TMEM132B: variants seen among roughly 807,000 people sequenced by gnomAD.
The protein encoded by TMEM132B is transmembrane protein 132B.
TMEM132B carries 18 observed loss-of-function variants against 90.8 expected under a neutral mutation model. The ratio of observed to expected loss-of-function variants is 0.20; its 90% CI spans 0.14 to 0.29. The LOEUF is 0.29. TMEM132B is among the 10% of genes least tolerant of loss of function. TMEM132B has a pLI of 1.00. For missense variants in TMEM132B, 1,096 were observed against 1,326.8 expected, an observed-to-expected ratio of 0.83 and a Z score of 2.70; for synonymous variants, 504 against 523.3, an observed-to-expected ratio of 0.96 and a Z score of 0.50.
intron 3 of TMEM132B, among the ~76,000 whole-genome samples, chr12:125,497,368 G>T (rs1592956436): frequency 6.6e-6 from 1 of 152,212 alleles, no homozygotes; most frequent in Non-Finnish European, 1.5e-5. Flanking sequence ...GGGGTTGGCA[G>T]TTTGAGGAAT....
intron 1 of TMEM132B, among the ~76,000 whole-genome samples, chr12:125,216,177 G>A (rs932851931): frequency 1.3e-5 from 2 of 152,186 alleles, no homozygotes; most frequent in South Asian, 2.1e-4. Flanking sequence ...TCTGGAGGCT[G>A]GAAGTTCAAG....
chr12:125,460,521 A>C lies in TMEM132B; in HGVS notation c.1106+44844A>C, dbSNP rs955734810. ...AAATAAAAAGTAAAAAATAAAAAAAAATCTACCAAGAATACATCTTAATTT... is the reference window on the plus strand; with the variant it reads ...AAATAAAAAGTAAAAAATAAAAAAACATCTACCAAGAATACATCTTAATTT... On this transcript the variant is annotated intron_variant, in intron 3 of 8. Transcript: ENST00000682704. The surrounding 1 kb of genome is among the most constrained non-coding windows in gnomAD (Gnocchi z 4.4). Among the ~76,000 whole-genome samples the C allele has an allele frequency of 2.0e-5, 3 of 152,262 alleles. No individual in the cohort carries two copies. The highest frequency in any genetic ancestry group is 3.4e-3 in the Middle Eastern group (1 of 294).
intron 1 of TMEM132B, among the ~76,000 whole-genome samples, chr12:125,343,520 C>T (rs1422215542): frequency 6.6e-6 from 1 of 151,814 alleles, no homozygotes; most frequent in Non-Finnish European, 1.5e-5. Flanking sequence ...AACTGCCAGG[C>T]CAGGTAGGCC....
At chr12:125,238,215 T>A (rs1873979066) in intron 1 of TMEM132B, among the ~76,000 whole-genome samples, 1 of 151,634 alleles carries the variant, frequency 6.6e-6, no homozygotes, top group Admixed American at 6.6e-5. Flanking sequence ...CCTCTGTTTG[T>A]CAAAACAGTC....
chr12:125,547,024 G>A (rs923135067), intron 4 of TMEM132B, among the ~76,000 whole-genome samples: 4 of 152,150 alleles, frequency 2.6e-5, no homozygotes, highest in Admixed American at 6.5e-5. Context: ...ATCAGATCTC[G>A]TGAGAACTAA....
chr12:125,190,591 A>ATGG (rs1957793540), intron 1 of TMEM132B, among the ~76,000 whole-genome samples: 1 of 79,696 alleles, frequency 1.3e-5, no homozygotes, highest in Non-Finnish European at 2.4e-5. Context: ...GATGATGGTG[A>ATGG]TGATGGGGAA....
chr12:125,548,167 A>G (rs1193143907), intron 4 of TMEM132B, among the ~76,000 whole-genome samples: 2 of 152,092 alleles, frequency 1.3e-5, no homozygotes, highest in Non-Finnish European at 2.9e-5. Context: ...ACACCTGGAA[A>G]AAGAGTTCTG....
intron 1 of TMEM132B, among the ~76,000 whole-genome samples, chr12:125,263,374 G>A (rs1323153140): frequency 6.6e-6 from 1 of 152,188 alleles, no homozygotes; most frequent in Non-Finnish European, 1.5e-5. Context: ...CTGTGCCTCA[G>A]TTTCCTCACT....
intron 1 of TMEM132B, among the ~76,000 whole-genome samples, chr12:125,322,079 G>T (rs967207853): frequency 6.6e-6 from 1 of 152,190 alleles, no homozygotes; most frequent in Non-Finnish European, 1.5e-5. Context: ...GATATGGTTT[G>T]TCTGTGTCCC....
At chr12:125,424,559 T>G (rs1336368921) in intron 3 of TMEM132B, among the ~76,000 whole-genome samples, 1 of 152,232 alleles carries the variant, frequency 6.6e-6, no homozygotes, top group Non-Finnish European at 1.5e-5. Flanking sequence ...ATTTTAGGTT[T>G]GTGCGTTGTC....
intron 1 of TMEM132B, among the ~76,000 whole-genome samples, chr12:125,300,325 T>C (rs1875789697): frequency 6.6e-6 from 1 of 152,146 alleles, no homozygotes; most frequent in African/African-American, 2.4e-5. Flanking sequence ...CATGTGCCAC[T>C]GCACCTGGTC....
intron 3 of TMEM132B, among the ~76,000 whole-genome samples, chr12:125,433,063 A>C (rs1320140155): frequency 6.6e-6 from 1 of 152,192 alleles, no homozygotes; most frequent in South Asian, 2.1e-4. Flanking sequence ...CAGACACTTT[A>C]TGTCTTCTAA....
In TMEM132B at chr12:125,318,432, G is replaced by A. The variant is rs145758610; in HGVS notation, c.68-31020G>A. On this transcript the variant is annotated intron_variant, in intron 1 of 8. Transcript: ENST00000682704. ...ATTTGTTACGTAGGTAAATGTGTGC[G>A]ATGGTGGTTTGCTGCATCTGTCAGC... is the stretch of plus-strand genomic sequence containing the variant. Among the ~76,000 whole-genome samples, 510 of 152,184 alleles carry A rather than the reference G, an allele frequency of 3.4e-3. 5 individuals are homozygous for A. The highest frequency in any genetic ancestry group is 0.011 in the African/African-American group (477 of 41,502).
intron 2 of TMEM132B, among the ~76,000 whole-genome samples, chr12:125,409,532 T>C (rs994930516): frequency 2.0e-5 from 3 of 151,586 alleles, no homozygotes; most frequent in African/African-American, 7.3e-5. Context: ...CAAGCCTCAG[T>C]GCCAAGTGGG....
chr12:125,351,902 A>G (rs1877597915), intron 2 of TMEM132B, among the ~76,000 whole-genome samples: 1 of 152,242 alleles, frequency 6.6e-6, no homozygotes, highest in Non-Finnish European at 1.5e-5. Flanking sequence ...GGTGCCACTC[A>G]TCAGAACAAG....
At chr12:125,638,934 T>A (rs1476057308) in intron 5 of TMEM132B, among the ~76,000 whole-genome samples, 1 of 152,202 alleles carries the variant, frequency 6.6e-6, no homozygotes, top group Non-Finnish European at 1.5e-5. Flanking sequence ...CAGGATGACA[T>A]TTACAAGCCA....
chr12:125,474,830 C>T (rs1881828584), intron 3 of TMEM132B, among the ~76,000 whole-genome samples: 1 of 152,160 alleles, frequency 6.6e-6, no homozygotes, highest in African/African-American at 2.4e-5. Context: ...TGGTGTTATG[C>T]TGAAGTGGGC....
chr12:125,247,390 G>A (rs533877609), intron 1 of TMEM132B, among the ~76,000 whole-genome samples: 1 of 152,234 alleles, frequency 6.6e-6, no homozygotes, highest in South Asian at 2.1e-4. Context: ...GATCTTTGGA[G>A]GTTCTCCTAA....
intron 3 of TMEM132B, among the ~76,000 whole-genome samples, chr12:125,467,432 TC>T (rs1363884894): frequency 6.6e-6 from 1 of 151,712 alleles, no homozygotes; most frequent in Non-Finnish European, 1.5e-5. Flanking sequence ...CCCCTTCTCC[TC>T]CCCCACCCTC....
Sources: gnomAD v4.1 joint callset for allele counts (sites outside exome capture counted in the v4.1 genomes callset) on GRCh38, gnomAD v4.1.1 for gene constraint, Gnocchi (gnomAD v3.1) non-coding constraint, MANE v1.5 for transcripts, NCBI Gene and HGNC (gene_info 2026-07-23, HGNC 2026-07-21) for gene names.